SLCO1A2: variants seen among roughly 807,000 people sequenced by gnomAD.
SLCO1A2 encodes solute carrier organic anion transporter family member 1A2.
In SLCO1A2, 67 loss-of-function variants were observed where a neutral mutation model predicts 69.0. That is an observed-to-expected ratio of 0.97 (90% CI 0.80 to 1.19). The LOEUF (loss-of-function observed/expected upper bound fraction) is 1.19, where lower values mean the gene tolerates loss of function less well. Ranked by LOEUF, SLCO1A2 falls within the 50% of genes most tolerant of loss-of-function variation. The pLI, the probability that SLCO1A2 is intolerant of heterozygous loss-of-function variation, is 0.00. For synonymous variants in SLCO1A2, 260 were observed against 265.9 expected (o/e 0.98, Z 0.22); for missense variants, 787 against 793.7 (o/e 0.99, Z 0.10).
chr12:21,373,466 T>G, intron 2 of SLCO1A2: 1 of 1,432,500 alleles, frequency 7.0e-7, no homozygotes, highest in Non-Finnish European at 9.9e-7. Flanking sequence ...CTTTGTAACT[T>G]TTGTAAAGTG....
At chr12:21,371,556 T>A (rs1258709802) in intron 2 of SLCO1A2, among the ~76,000 whole-genome samples, 3 of 152,206 alleles carry the variant, frequency 2.0e-5, no homozygotes, top group Admixed American at 1.3e-4. Flanking sequence ...AAGAAGTATA[T>A]GAAATCAATG....
chr12:21,345,729 G>A lies in SLCO1A2; in HGVS notation c.-62-11020C>T, dbSNP rs148354859. Among the ~76,000 whole-genome samples the A allele has an allele frequency of 1.4e-3, 207 of 152,116 alleles. 1 individual carries two copies. Among genetic ancestry groups the A allele is most frequent in the African/African-American group, 4.8e-3 (199 of 41,518 alleles). ...GTAAATTGATAACAGAATTAAACCC[G>A]AGGTCAGTAACAGCATCAATTCACC... is the stretch of plus-strand genomic sequence containing the variant. On this transcript the variant is annotated intron_variant, in intron 2 of 15. Coordinates refer to the SLCO1A2 transcript ENST00000307378.
intron 2 of SLCO1A2, among the ~76,000 whole-genome samples, chr12:21,352,946 A>G (rs1389797391): frequency 6.6e-6 from 1 of 152,184 alleles, no homozygotes; most frequent in Admixed American, 6.5e-5. Context: ...AAGTTATTAA[A>G]CTTTCGAACA....
At chr12:21,353,945 G>A (rs1252342295) in intron 2 of SLCO1A2, among the ~76,000 whole-genome samples, 2 of 152,126 alleles carry the variant, frequency 1.3e-5, no homozygotes, top group East Asian at 3.8e-4. Flanking sequence ...GCTTTGGTGT[G>A]TGACAAATGG....
chr12:21,362,627 G>C (rs146633074), intron 2 of SLCO1A2, among the ~76,000 whole-genome samples: 14 of 152,160 alleles, frequency 9.2e-5, no homozygotes, highest in East Asian at 3.9e-4. Flanking sequence ...GAGTCAAGAC[G>C]CATCAGTGTG....
chr12:21,282,665 T>C (rs182281514), intron 12 of SLCO1A2, among the ~76,000 whole-genome samples: 4 of 152,240 alleles, frequency 2.6e-5, no homozygotes, highest in African/African-American at 7.2e-5. Context: ...TGTTCATAGA[T>C]GATATGATCT....
chr12:21,403,592 G>A (rs964914359), intron 1 of SLCO1A2: 1 of 151,572 alleles, frequency 6.6e-6, no homozygotes, highest in African/African-American at 2.4e-5. Flanking sequence ...CTTTGTTTAT[G>A]TAAGTTTTAA....
intron 4 of SLCO1A2, among the ~76,000 whole-genome samples, chr12:21,314,080 A>T (rs954942118): frequency 2.6e-5 from 4 of 152,048 alleles, no homozygotes; most frequent in Admixed American, 2.6e-4. Context: ...GTAATAAGTG[A>T]CAAGGGAGAC....
chr12:21,273,178 G>GTT (rs1203647524), intron 14 of SLCO1A2, among the ~76,000 whole-genome samples: 1 of 152,154 alleles, frequency 6.6e-6, no homozygotes, highest in Admixed American at 6.6e-5. Context: ...AAAGTCCTGA[G>GTT]TTTAGGAAAT....
intron 1 of SLCO1A2, among the ~76,000 whole-genome samples, chr12:21,385,007 C>T (rs1044080932): frequency 6.6e-6 from 1 of 151,956 alleles, no homozygotes; most frequent in Non-Finnish European, 1.5e-5. Context: ...CCTCGTCATC[C>T]GTCCGTCTCG....
At chr12:21,357,013 G>T (rs1168697364) in intron 2 of SLCO1A2, among the ~76,000 whole-genome samples, 4 of 151,064 alleles carry the variant, frequency 2.6e-5, no homozygotes, top group African/African-American at 2.4e-5. Context: ...AATAGTAAAA[G>T]AAATAATTTC....
chr12:21,413,237 CTTT>C (rs3983534), intron 1 of SLCO1A2, among the ~76,000 whole-genome samples: 36 of 99,468 alleles, frequency 3.6e-4, no homozygotes, highest in Admixed American at 5.0e-4. Flanking sequence ...TTTTCTTTTT[CTTT>C]TTTTTTTTTT....
At chr12:21,350,835 CAAAAAAAAAAAAAAAAAA>C (rs11454466) in intron 2 of SLCO1A2, among the ~76,000 whole-genome samples, 3 of 40,732 alleles carry the variant, frequency 7.4e-5, no homozygotes, top group Non-Finnish European at 1.2e-4. Context: ...GACTCTGTCT[CAAAAAAAAAAAAAAAAAA>C]AAAAAAAAAA....
At chr12:21,293,457 A>G (rs1469554990) in intron 11 of SLCO1A2, among the ~76,000 whole-genome samples, 5 of 152,088 alleles carry the variant, frequency 3.3e-5, no homozygotes, top group Admixed American at 3.3e-4. Context: ...TTGATGTTAT[A>G]TTATATTGTG....
upstream of SLCO1A2, among the ~76,000 whole-genome samples, chr12:21,398,675 C>A (rs935763470): frequency 6.6e-6 from 1 of 151,638 alleles, no homozygotes; most frequent in African/African-American, 2.4e-5. Flanking sequence ...AGCTTATCCA[C>A]CATGATCAAG....
At chr12:21,378,136 G>A in intron 1 of SLCO1A2, 2 of 1,089,856 alleles carry the variant, frequency 1.8e-6, no homozygotes, top group Middle Eastern at 2.1e-4. Flanking sequence ...TGTGAAAATT[G>A]TTTCTTTGGT....
At chr12:21,298,467 T>C (rs1360069842) in intron 8 of SLCO1A2, among the ~76,000 whole-genome samples, 1 of 152,198 alleles carries the variant, frequency 6.6e-6, no homozygotes, top group East Asian at 1.9e-4. Context: ...TTGACTTTCT[T>C]ATGCACAATC....
intron 6 of SLCO1A2, among the ~76,000 whole-genome samples, 161 bp from the exon 7 acceptor site, chr12:21,301,430 G>A (rs756408232): frequency 2.0e-5 from 3 of 152,246 alleles, no homozygotes; most frequent in Non-Finnish European, 4.4e-5. Context: ...ATAAATGATG[G>A]TTGTTTCTGT....
At chr12:21,371,053 G>A (rs546728404) in intron 2 of SLCO1A2, among the ~76,000 whole-genome samples, 7 of 152,336 alleles carry the variant, frequency 4.6e-5, no homozygotes, top group East Asian at 3.9e-4. Flanking sequence ...AGCAGCTTAC[G>A]GCGGTTTTGC....
Sources: allele counts gnomAD v4.1 joint callset (sites outside exome capture counted in the v4.1 genomes callset), GRCh38; gene constraint gnomAD v4.1.1; transcripts MANE v1.5; gene names NCBI Gene and HGNC (gene_info 2026-07-23, HGNC 2026-07-21).